CPEB3: variants seen among roughly 807,000 people sequenced by gnomAD.
The protein encoded by CPEB3 is cytoplasmic polyadenylation element binding protein 3.
CPEB3 carries 20 observed loss-of-function variants against 67.2 expected under a neutral mutation model. That is an observed-to-expected ratio of 0.30 (90% CI 0.21 to 0.43). The LOEUF is 0.43. CPEB3 is among the 20% of genes least tolerant of loss of function. The pLI is 1.00. For missense variants in CPEB3, 746 were observed against 968.6 expected, an observed-to-expected ratio of 0.77 and a Z score of 3.05; for synonymous variants, 376 against 393.1, an observed-to-expected ratio of 0.96 and a Z score of 0.51.
intron 4 of CPEB3, among the ~76,000 whole-genome samples, chr10:92,167,327 A>G (rs1386149995): frequency 6.6e-6 from 1 of 152,230 alleles, no homozygotes. Flanking sequence ...CCTAGCTTTT[A>G]GCCTGTCTCA....
chr10:92,196,372 C>A (rs1420060501), intron 2 of CPEB3, among the ~76,000 whole-genome samples: 1 of 152,150 alleles, frequency 6.6e-6, no homozygotes, highest in Non-Finnish European at 1.5e-5. Context: ...TTTTTAAAAG[C>A]ACAGATTTTA....
At chr10:92,144,082 A>G (rs1051295320) in intron 5 of CPEB3, among the ~76,000 whole-genome samples, 1 of 152,146 alleles carries the variant, frequency 6.6e-6, no homozygotes, top group Non-Finnish European at 1.5e-5. Context: ...TCACAATTTT[A>G]TTTCATTCAT....
rs149227448 is a variant in CPEB3, at chr10:92,138,303, T to C, written c.1453+4726A>G. ...TAACAGAAGAAGACAAGAGGACTCT[T>C]TAAGAAACTGAGACCTTATACAACA... On this transcript the variant is annotated intron_variant, in intron 6 of 9. Coordinates refer to ENST00000265997, the MANE Select transcript of CPEB3 (RefSeq NM_014912.5). 6.3e-3 allele frequency: 1,391 copies of C among 219,146 alleles called. 22 individuals are homozygous for C. The highest frequency in any genetic ancestry group is 0.029 in the African/African-American group (1,278 of 43,418). The allele number at this position is 219,146 out of a possible 1,614,324, so 13.6% of individuals were successfully genotyped here. A position where few individuals can be genotyped will look rare whatever the true frequency, so the allele number is the denominator to read the frequency against.
rs57843901 is a variant in CPEB3, at chr10:92,145,069, A to G, written c.1239T>C (p.Asp413=). Residue 413 remains aspartate, a synonymous_variant, in exon 5 of 10, where the codon GAT becomes GAC. Transcript: ENST00000265997. Reference sequence around the variant, plus strand: ...ATGACAAGGCTTGATCACCATGGCTATCATCCAGGAAGGCATCTTCAAAGG... The same window carrying G: ...ATGACAAGGCTTGATCACCATGGCTGTCATCCAGGAAGGCATCTTCAAAGG... The part of the protein sequence containing the change: ...IMALNNAFLD[D]SHGDQALSSG... The G allele has an allele frequency of 2.2e-3, 3,581 of 1,614,122 alleles. 72 individuals carry two copies. The African/African-American group carries it at 0.041, about 19-fold the overall frequency.
rs185468009 is a variant in CPEB3, at chr10:92,054,527, C to A, written c.1870-2088G>T. On this transcript the variant is annotated intron_variant, in intron 9 of 9. Transcript: ENST00000265997. ...CAACCTCCACCTCCCACAACCTCCA[C>A]CTCCCAGGTTCAAGCGATTCCCCTG... Among the ~76,000 whole-genome samples, 86 of 152,060 alleles carry A rather than the reference C, an allele frequency of 5.7e-4. No homozygotes were observed. The East Asian group carries it at 0.016, about 28-fold the overall frequency.
chr10:92,244,612 T>C (rs891079929), intron 1 of CPEB3, among the ~76,000 whole-genome samples: 1 of 151,904 alleles, frequency 6.6e-6, no homozygotes, highest in African/African-American at 2.4e-5. Context: ...TCATTTTTTG[T>C]ATTTTTAGTA....
intron 2 of CPEB3, among the ~76,000 whole-genome samples, chr10:92,202,031 T>G (rs1198119621): frequency 2.0e-5 from 3 of 152,172 alleles, no homozygotes; most frequent in Non-Finnish European, 4.4e-5. Flanking sequence ...GAATTCATCT[T>G]GCAAGACTTT....
At chr10:92,236,598 A>T (rs1851543699) in intron 2 of CPEB3, among the ~76,000 whole-genome samples, 1 of 151,908 alleles carries the variant, frequency 6.6e-6, no homozygotes, top group African/African-American at 2.4e-5. Context: ...AAATATAAAA[A>T]ATTAGCCGGG....
At chr10:92,213,626 C>A (rs1850201753) in intron 2 of CPEB3, among the ~76,000 whole-genome samples, 2 of 152,122 alleles carry the variant, frequency 1.3e-5, no homozygotes, top group African/African-American at 4.8e-5. Flanking sequence ...AATTTTTAGA[C>A]TTTGTAGAAC....
At chr10:92,225,403 A>G (rs1331568638) in intron 2 of CPEB3, among the ~76,000 whole-genome samples, 1 of 152,172 alleles carries the variant, frequency 6.6e-6, no homozygotes, top group Non-Finnish European at 1.5e-5. Flanking sequence ...TGAGTATGGT[A>G]GCACATGCTT....
Position 92,150,921 on chromosome 10 carries a change from G to T in CPEB3, c.1223-5836C>A, listed in dbSNP as rs1186327904. ...ATATTTCAATAAAAGCAGGAGAAAG[G>T]TTTCTCAAATGCTGCAAGTTGGCCA... On this transcript the variant is annotated intron_variant, in intron 4 of 9. Coordinates refer to ENST00000265997, the MANE Select transcript of CPEB3 (RefSeq NM_014912.5). Among the ~76,000 whole-genome samples, 3 of 152,252 alleles carry T rather than the reference G, an allele frequency of 2.0e-5. No homozygotes were observed. In the South Asian group the frequency reaches 6.2e-4, roughly 32 times the overall value.
rs1028543924 is a variant in CPEB3, at chr10:92,118,892, G to T, written c.1454-7698C>A. On this transcript the variant is annotated intron_variant, in intron 6 of 9. Coordinates refer to ENST00000265997, the MANE Select transcript of CPEB3 (RefSeq NM_014912.5). The stretch of plus-strand genomic sequence containing the variant: ...CCATGACACTGGTACTGCTTTGAGG[G>T]CAGGGGCCTCTCTTTTTGGCATGTC... 1.5e-5 allele frequency: 13 copies of T among 890,068 alleles called. No individual in the cohort carries two copies. In the African/African-American group the frequency reaches 2.1e-4, roughly 15 times the overall value. 55.1% of individuals were successfully genotyped at this position (890,068 alleles called of 1,614,324 possible).
At chr10:92,230,449 C>A (rs1184785414) in intron 2 of CPEB3, among the ~76,000 whole-genome samples, 1 of 152,086 alleles carries the variant, frequency 6.6e-6, no homozygotes, top group Non-Finnish European at 1.5e-5. Context: ...TCCTCTGAGG[C>A]CTGCCAACAA....
intron 6 of CPEB3, among the ~76,000 whole-genome samples, chr10:92,117,580 T>A (rs1316153752): frequency 2.6e-5 from 4 of 151,964 alleles, no homozygotes; most frequent in African/African-American, 9.7e-5. Flanking sequence ...TCCGCCCACC[T>A]CAGCCTCCCA....
chr10:92,059,333 A>AAAAAAAAAAAC lies in CPEB3; in HGVS notation c.1870-6895_1870-6894insGTTTTTTTTTT, dbSNP rs1378505187. On this transcript the variant is annotated intron_variant, in intron 9 of 9. Coordinates refer to ENST00000265997, the MANE Select transcript of CPEB3 (RefSeq NM_014912.5). Reference sequence around the variant, plus strand: ...CAAAAGTGAAACTCTGTCAAAAAAAAAACAAAGAAAAAGCAAATACAAGGA... The same window carrying AAAAAAAAAAAC: ...CAAAAGTGAAACTCTGTCAAAAAAAAAAAAAAAAAACAACAAAGAAAAAGCAAATACAAGGA... 6.0e-5 allele frequency among the ~76,000 whole-genome samples: 9 copies of AAAAAAAAAAAC among 150,870 alleles called. 1 individual carries two copies. Among genetic ancestry groups the AAAAAAAAAAAC allele is most frequent in the Non-Finnish European group, 1.0e-4 (7 of 67,694 alleles).
intron 7 of CPEB3, among the ~76,000 whole-genome samples, chr10:92,106,510 A>T (rs1320711483): frequency 1.3e-5 from 2 of 152,184 alleles, no homozygotes; most frequent in African/African-American, 4.8e-5. Flanking sequence ...CTTTAAGGGT[A>T]GGAATTAGAA....
intron 2 of CPEB3, among the ~76,000 whole-genome samples, chr10:92,215,020 G>C (rs899180687): frequency 6.6e-6 from 1 of 151,358 alleles, no homozygotes; most frequent in Non-Finnish European, 1.5e-5. Flanking sequence ...GCTAATTTTT[G>C]TATTTTTAGT....
Position 92,239,560 on chromosome 10 carries a change from G to T in CPEB3, c.791C>A (p.Ala264Glu), listed in dbSNP as rs1313759675. The change falls in exon 2 of 10, where the codon GCG becomes GAG. Residue 264 changes from alanine to glutamate, a missense_variant. Physicochemically the swap from Ala to Glu is moderately radical, Grantham distance 107 (BLOSUM62 -1). Coordinates refer to ENST00000265997, the MANE Select transcript of CPEB3 (RefSeq NM_014912.5). The surrounding 1 kb of genome is among the most constrained non-coding windows in gnomAD (Gnocchi z 6.0). ...APSNPWGGLQAGRDPRRAVGV... is the reference protein window; with the variant it reads ...APSNPWGGLQEGRDPRRAVGV... ...GACCGCCCGGCGAGGGTCCCGGCCC[G>T]CCTGCAGGCCGCCCCAGGGGTTGGA... 1 of 1,555,372 alleles carries T rather than the reference G, an allele frequency of 6.4e-7. No homozygotes were observed. The highest frequency in any genetic ancestry group is 1.2e-5 in the South Asian group (1 of 84,628).
rs79658661 is a variant in CPEB3, at chr10:92,063,950, A to C, written c.1870-11511T>G. Among the ~76,000 whole-genome samples, 3 of 152,158 alleles carry C rather than the reference A, an allele frequency of 2.0e-5. No homozygotes were observed. The East Asian group carries it at 5.8e-4, about 29-fold the overall frequency. On this transcript the variant is annotated intron_variant, in intron 9 of 9. Transcript: ENST00000265997. Reference sequence around the variant, plus strand: ...TCTAAGGCTGGTATCTAGTCAGAAAAATTGGCAGCACACAGCCAAAGTGTA... The same window carrying C: ...TCTAAGGCTGGTATCTAGTCAGAAACATTGGCAGCACACAGCCAAAGTGTA...
Sources: gnomAD v4.1 joint callset for allele counts (sites outside exome capture counted in the v4.1 genomes callset) on GRCh38, gnomAD v4.1.1 for gene constraint, Gnocchi (gnomAD v3.1) non-coding constraint, MANE v1.5 for transcripts, NCBI Gene and HGNC (gene_info 2026-07-23, HGNC 2026-07-21) for gene names.